The following SPAG1 variants were observed in gnomAD, a reference collection of about 807,000 sequenced individuals.
SPAG1 encodes sperm associated antigen 1, also known as sperm-associated antigen 1.
Under a neutral mutation model 100.5 loss-of-function variants are expected in SPAG1, and 69 were observed. That is an observed-to-expected ratio of 0.69 (90% CI 0.57 to 0.84). SPAG1 has a LOEUF of 0.84. Ranked by LOEUF, SPAG1 falls within the 40% of genes least tolerant of loss-of-function variation. The probability of loss-of-function intolerance (pLI) is 0.00; values close to 1 mark genes in which losing one functional copy is unlikely to be tolerated. For synonymous variants in SPAG1, 336 were observed against 411.6 expected, an observed-to-expected ratio of 0.82 and a Z score of 2.22; for missense variants, 955 against 1,133.1, an observed-to-expected ratio of 0.84 and a Z score of 2.26.
In SPAG1 at chr8:100,233,460, T is replaced by C. The variant is rs749405885; in HGVS notation, c.2038T>C (p.Cys680Arg). 5.0e-6 allele frequency: 8 copies of C among 1,614,138 alleles called. No individual in the cohort carries two copies. In the Admixed American group the frequency reaches 1.3e-4, roughly 27 times the overall value. Residue 680 changes from cysteine to arginine, a missense_variant, in exon 16 of 19, where the codon TGT becomes CGT. Cys to Arg is a radical substitution (Grantham distance 180). Transcript: ENST00000388798. ...CCAGTTTGAAGAAGCAAAGCAGGACTGTGATCAGGCACTTCAGCTAGCTGA... is the reference window on the plus strand; with the variant it reads ...CCAGTTTGAAGAAGCAAAGCAGGACCGTGATCAGGCACTTCAGCTAGCTGA... The part of the protein sequence containing the change: ...LCQFEEAKQD[C>R]DQALQLADGN...
intron 16 of SPAG1, among the ~76,000 whole-genome samples, chr8:100,237,029 A>G (rs1422918966): frequency 6.6e-6 from 1 of 152,146 alleles, no homozygotes; most frequent in Non-Finnish European, 1.5e-5. Context: ...GCAACTTTTA[A>G]TGCCTTCTTT....
chr8:100,239,473 C>A lies in SPAG1; in HGVS notation c.2280+69C>A. 1.0e-6 allele frequency: 1 copy of A among 966,322 alleles called. No individual in the cohort carries two copies. The highest frequency in any genetic ancestry group is 1.6e-6 in the Non-Finnish European group (1 of 619,330). 59.9% of individuals were successfully genotyped at this position (966,322 alleles called of 1,614,324 possible). On this transcript the variant is annotated intron_variant, in intron 17 of 18. Coordinates refer to ENST00000388798, the MANE Select transcript of SPAG1 (RefSeq NM_003114.5). The surrounding 1 kb of genome is among the most constrained non-coding windows in gnomAD (Gnocchi z 5.0). ...TTAGACTGGATTCTAAGGTCATATT[C>A]CTGTGAGTTCTAAAACATTTTTAAT...
intron 1 of SPAG1, 26 bp from the exon 2 acceptor site, chr8:100,162,253 A>T: frequency 6.6e-7 from 1 of 1,518,280 alleles, no homozygotes; most frequent in African/African-American, 1.4e-5. Context: ...ACATTAGATT[A>T]ATAACTTTTA....
At chr8:100,176,524 C>A (rs1221412356) in intron 3 of SPAG1, among the ~76,000 whole-genome samples, 1 of 152,008 alleles carries the variant, frequency 6.6e-6, no homozygotes, top group Non-Finnish European at 1.5e-5. Flanking sequence ...CACCACCACA[C>A]CTGGCTAATT....
chr8:100,208,414 T>C (rs1258369931), intron 10 of SPAG1, among the ~76,000 whole-genome samples: 1 of 151,210 alleles, frequency 6.6e-6, no homozygotes, highest in East Asian at 1.9e-4. Context: ...GAAATTACAA[T>C]AGCCCAACCC....
intron 4 of SPAG1, among the ~76,000 whole-genome samples, chr8:100,182,215 G>C (rs189578303): frequency 1.4e-3 from 218 of 152,306 alleles, no homozygotes; most frequent in African/African-American, 5.0e-3. Flanking sequence ...TTATTTGTGA[G>C]CATTATGGCT....
At chr8:100,220,924 T>G (rs535730836) in intron 13 of SPAG1, among the ~76,000 whole-genome samples, 1 of 151,878 alleles carries the variant, frequency 6.6e-6, no homozygotes, top group African/African-American at 2.4e-5. Context: ...AATACAAAAA[T>G]TAGCCAGGTG....
intron 15 of SPAG1, among the ~76,000 whole-genome samples, chr8:100,231,910 C>T (rs1010218164): frequency 4.0e-5 from 6 of 150,806 alleles, no homozygotes; most frequent in African/African-American, 9.8e-5. Flanking sequence ...TGCAGTGAGC[C>T]GAGATAGCAC....
chr8:100,222,008 A>T (rs1245773841), intron 13 of SPAG1, among the ~76,000 whole-genome samples: 1 of 152,084 alleles, frequency 6.6e-6, no homozygotes, highest in Admixed American at 6.5e-5. Flanking sequence ...GACGTCTTGA[A>T]CCTCTGGCAC....
chr8:100,228,874 A>T (rs1341216124), intron 14 of SPAG1, among the ~76,000 whole-genome samples: 2 of 152,114 alleles, frequency 1.3e-5, no homozygotes, highest in Non-Finnish European at 2.9e-5. Flanking sequence ...TTTAAATTTT[A>T]ATATTTTGTG....
At chr8:100,184,979 G>C (rs1351195435) in intron 7 of SPAG1, among the ~76,000 whole-genome samples, 2 of 152,104 alleles carry the variant, frequency 1.3e-5, no homozygotes, top group Non-Finnish European at 2.9e-5. Flanking sequence ...AAAATAGAAG[G>C]CATCTGACAG....
chr8:100,179,869 TC>T (rs1227740844), intron 4 of SPAG1, among the ~76,000 whole-genome samples: 2 of 152,224 alleles, frequency 1.3e-5, no homozygotes, highest in Non-Finnish European at 2.9e-5. Context: ...AGCCACGTCT[TC>T]CTGGAATGCT....
At chr8:100,161,079 C>A (rs1051082236) in intron 1 of SPAG1, among the ~76,000 whole-genome samples, 2 of 152,230 alleles carry the variant, frequency 1.3e-5, no homozygotes, top group Admixed American at 1.3e-4. Context: ...ATGGCTCACA[C>A]CTGTAATCCC....
intron 7 of SPAG1, among the ~76,000 whole-genome samples, chr8:100,186,446 T>C (rs183856274): frequency 1.6e-4 from 25 of 152,264 alleles, no homozygotes; most frequent in African/African-American, 5.8e-4. Flanking sequence ...TCTATAGGTA[T>C]TTATCTTTTT....
intron 8 of SPAG1, among the ~76,000 whole-genome samples, chr8:100,190,623 A>G (rs1816771271): frequency 6.7e-6 from 1 of 148,672 alleles, no homozygotes; most frequent in African/African-American, 2.5e-5. Flanking sequence ...AATGAGCCAC[A>G]TTCTGAGCTA....
chr8:100,203,112 C>T (rs1240392183), intron 10 of SPAG1, among the ~76,000 whole-genome samples: 2 of 152,126 alleles, frequency 1.3e-5, no homozygotes, highest in African/African-American at 4.8e-5. Context: ...TAATCAGCTG[C>T]CAGCAAATAT....
intron 10 of SPAG1, among the ~76,000 whole-genome samples, chr8:100,197,468 T>G (rs932071586): frequency 2.0e-5 from 3 of 152,200 alleles, no homozygotes; most frequent in Admixed American, 6.5e-5. Context: ...ACTAGTTACA[T>G]TCAAACAAGT....
intron 4 of SPAG1, among the ~76,000 whole-genome samples, chr8:100,181,456 C>T (rs1193514088): frequency 6.6e-6 from 1 of 152,136 alleles, no homozygotes; most frequent in African/African-American, 2.4e-5. Context: ...TAAGTGATAC[C>T]ACTTGTATTA....
At chr8:100,185,560 G>A (rs1285776224) in intron 7 of SPAG1, among the ~76,000 whole-genome samples, 1 of 152,138 alleles carries the variant, frequency 6.6e-6, no homozygotes, top group Non-Finnish European at 1.5e-5. Flanking sequence ...TATCCCCAAG[G>A]CCCAACAAAG....
Sources: gnomAD v4.1 joint callset for allele counts (sites outside exome capture counted in the v4.1 genomes callset) on GRCh38, gnomAD v4.1.1 for gene constraint, Gnocchi (gnomAD v3.1) non-coding constraint, MANE v1.5 for transcripts, NCBI Gene and HGNC (gene_info 2026-07-23, HGNC 2026-07-21) for gene names.